The following TMEM230 variants were observed in gnomAD, a reference collection of about 807,000 sequenced individuals.
The protein encoded by TMEM230 is UPF0414 transmembrane protein C20orf30.
Under a neutral mutation model 15.8 loss-of-function variants are expected in TMEM230, and 10 were observed. The ratio of observed to expected loss-of-function variants is 0.63; its 90% CI spans 0.39 to 1.07. TMEM230 has a LOEUF of 1.07. Ranked by LOEUF, TMEM230 falls within the 50% of genes least tolerant of loss-of-function variation. The pLI, the probability that TMEM230 is intolerant of heterozygous loss-of-function variation, is 0.01. For missense variants in TMEM230, 165 were observed against 193.3 expected (o/e 0.85, Z 0.87); for synonymous variants, 67 against 76.9 (o/e 0.87, Z 0.68).
chr20:5,069,238 T>C, exon 4 of TMEM230: 1 of 1,536,036 alleles, frequency 6.5e-7, no homozygotes, highest in Admixed American at 2.0e-5. Flanking sequence ...AGCCTTGAGC[T>C]GAGTCCTCCT....
At chr20:5,099,729 TCCA>T (rs1568497068), downstream of TMEM230, 35 of 485,532 alleles carry the variant, frequency 7.2e-5, no homozygotes, top group Non-Finnish European at 8.5e-5. Context: ...GTTGCCCAAG[TCCA>T]TAACCTCAGA....
chr20:5,099,437 T>C (rs2089768933), downstream of TMEM230, among the ~76,000 whole-genome samples: 1 of 151,804 alleles, frequency 6.6e-6, no homozygotes, highest in Admixed American at 6.6e-5. Flanking sequence ...TGGAGGCTGC[T>C]TCAGGTCACC....
intron 3 of TMEM230, among the ~76,000 whole-genome samples, chr20:5,080,761 C>T (rs1009819073): frequency 2.6e-5 from 4 of 152,066 alleles, no homozygotes; most frequent in Admixed American, 6.6e-5. Context: ...AGGCTGGTCT[C>T]GAACTCCTGG....
chr20:5,074,901 G>T (rs2088941060), intron 3 of TMEM230, among the ~76,000 whole-genome samples: 2 of 152,096 alleles, frequency 1.3e-5, no homozygotes, highest in African/African-American at 4.8e-5. Flanking sequence ...GGCCTCAAGC[G>T]ATTCTTCCGC....
intron 1 of TMEM230, 147 bp downstream of exon 1, chr20:5,112,814 C>G: frequency 6.6e-7 from 1 of 1,514,282 alleles, no homozygotes. Context: ...ACAAAACGGG[C>G]TTCTGGAAAG....
At chr20:5,089,728 A>C (rs1600329980) in intron 3 of TMEM230, among the ~76,000 whole-genome samples, 1 of 151,968 alleles carries the variant, frequency 6.6e-6, no homozygotes, top group African/African-American at 2.4e-5. Context: ...AACAAAAAAC[A>C]GTAGTGGAAA....
intron 3 of TMEM230, among the ~76,000 whole-genome samples, chr20:5,078,371 T>G (rs1422126537): frequency 6.6e-6 from 1 of 152,212 alleles, no homozygotes; most frequent in Non-Finnish European, 1.5e-5. Flanking sequence ...ATCACCCTCT[T>G]TGGAAGCACA....
At chr20:5,088,702 T>TG (rs940306352) in intron 3 of TMEM230, among the ~76,000 whole-genome samples, 40 of 151,950 alleles carry the variant, frequency 2.6e-4, no homozygotes, top group African/African-American at 9.4e-4. Flanking sequence ...TTTTTGTAGA[T>TG]GGGGTCTCAC....
intron 2 of TMEM230, among the ~76,000 whole-genome samples, chr20:5,109,848 C>T (rs998108550): frequency 2.0e-5 from 3 of 152,244 alleles, no homozygotes; most frequent in Non-Finnish European, 2.9e-5. Flanking sequence ...CACAGCATTG[C>T]CTGTCCCCTG....
chr20:5,092,565 A>G (rs2089540811), intron 3 of TMEM230, among the ~76,000 whole-genome samples: 1 of 152,048 alleles, frequency 6.6e-6, no homozygotes, highest in Non-Finnish European at 1.5e-5. Flanking sequence ...TAAAAATACA[A>G]AATTAGCCCA....
At chr20:5,088,137 C>G (rs2089404243) in intron 3 of TMEM230, among the ~76,000 whole-genome samples, 1 of 150,716 alleles carries the variant, frequency 6.6e-6, no homozygotes, top group African/African-American at 2.4e-5. Flanking sequence ...GGTGAAACCC[C>G]ATCTCTACTA....
At chr20:5,112,529 G>A (rs1264177954) in intron 1 of TMEM230, among the ~76,000 whole-genome samples, 1 of 152,196 alleles carries the variant, frequency 6.6e-6, no homozygotes, top group Non-Finnish European at 1.5e-5. Context: ...GGAGACGAAT[G>A]TTTACTCTTG....
intron 3 of TMEM230, among the ~76,000 whole-genome samples, chr20:5,075,808 T>A (rs1469458806): frequency 6.6e-6 from 1 of 151,974 alleles, no homozygotes; most frequent in African/African-American, 2.4e-5. Flanking sequence ...AAATCATGTT[T>A]TGCAATTGCT....
exon 4 of TMEM230, chr20:5,069,291 G>C: frequency 6.5e-7 from 1 of 1,536,012 alleles, no homozygotes; most frequent in South Asian, 1.2e-5. Flanking sequence ...GTACCCACGG[G>C]ATGCTGGTAG....
Position 5,108,477 on chromosome 20 carries a change from T to C in TMEM230, c.288+855A>G, listed in dbSNP as rs371885251. Among the ~76,000 whole-genome samples, 12 of 151,614 alleles carry C rather than the reference T, an allele frequency of 7.9e-5. No individual in the cohort carries two copies. In the South Asian group the frequency reaches 2.5e-3, roughly 32 times the overall value. ...ATTTCAGCTTATTCCAAATGATTAG[T>C]TGTTTGTTCCACATAGCAAGTAAAC... On this transcript the variant is annotated intron_variant, in intron 3 of 4. Transcript: ENST00000342308.
At chr20:5,102,978 T>A (rs2089931681) in intron 4 of TMEM230, among the ~76,000 whole-genome samples, 2 of 152,196 alleles carry the variant, frequency 1.3e-5, no homozygotes, top group Admixed American at 1.3e-4. Flanking sequence ...GTTCAACTTA[T>A]ACAAACCAAT....
At chr20:5,106,078 AACACACAC>A (rs61087830) in intron 4 of TMEM230, 102 bp downstream of exon 3, 564 of 550,964 alleles carry the variant, frequency 1.0e-3, no homozygotes, top group Middle Eastern at 1.8e-3. Flanking sequence ...GGGACGGACA[AACACACAC>A]ACACACACAC....
intron 3 of TMEM230, among the ~76,000 whole-genome samples, chr20:5,080,297 T>C (rs2089142724): frequency 6.6e-6 from 1 of 152,232 alleles, no homozygotes; most frequent in Non-Finnish European, 1.5e-5. Context: ...AATTAATGTG[T>C]TCACAAATTA....
At chr20:5,082,228 C>T (rs1326587588) in intron 3 of TMEM230, among the ~76,000 whole-genome samples, 1 of 107,760 alleles carries the variant, frequency 9.3e-6, no homozygotes, top group Non-Finnish European at 2.1e-5. Context: ...TTGTTTCTCT[C>T]TCTCTTTCTC....
Sources: gnomAD v4.1 joint callset for allele counts (sites outside exome capture counted in the v4.1 genomes callset) on GRCh38, gnomAD v4.1.1 for gene constraint, MANE v1.5 for transcripts, NCBI Gene and HGNC (gene_info 2026-07-23, HGNC 2026-07-21) for gene names.